Variants in PSTPIP1 observed in about 807,000 individuals in gnomAD.
PSTPIP1 encodes proline-serine-threonine phosphatase-interacting protein 1.
PSTPIP1 carries 66 observed loss-of-function variants against 69.6 expected under a neutral mutation model. The ratio of observed to expected loss-of-function variants is 0.95; its 90% CI spans 0.78 to 1.16. The LOEUF (loss-of-function observed/expected upper bound fraction) is 1.16. Among genes scored for constraint, PSTPIP1 ranks in the 50% most tolerant of loss-of-function variants. The pLI, the probability that PSTPIP1 is intolerant of heterozygous loss-of-function variation, is 0.00. For missense variants in PSTPIP1, 603 were observed against 557.4 expected, an observed-to-expected ratio of 1.08 and a Z score of -0.82; for synonymous variants, 266 against 222.7, an observed-to-expected ratio of 1.19 and a Z score of -1.73.
At chr15:76,998,461 T>A (rs1568479909) in intron 1 of PSTPIP1, among the ~76,000 whole-genome samples, 1 of 152,228 alleles carries the variant, frequency 6.6e-6, no homozygotes, top group African/African-American at 2.4e-5. Flanking sequence ...TCCTAGGAGA[T>A]GTCCCCTAGC....
At chr15:77,007,255 T>C (rs2075832389) in intron 1 of PSTPIP1, among the ~76,000 whole-genome samples, 1 of 152,226 alleles carries the variant, frequency 6.6e-6, no homozygotes, top group African/African-American at 2.4e-5. Context: ...CCTCAGTGGA[T>C]CAAGATAAGA....
rs1420083735 is a variant in PSTPIP1 at position 77,028,589 on chromosome 15, G to A, written c.453G>A (p.Ala151=). 2.5e-6 allele frequency: 4 copies of A among 1,603,120 alleles called. No homozygotes were observed. The highest frequency in any genetic ancestry group is 3.4e-6 in the Non-Finnish European group (4 of 1,175,698). The change falls in exon 7 of 15, where the codon GCG becomes GCA. Residue 151 remains alanine (A), a synonymous_variant. Transcript: ENST00000558012. ...KKTYEQKCRD[A]DDAEQAFERI... ...CATACGAGCAGAAGTGCCGGGACGC[G>A]GACGACGCGGAGCAGGCCTTCGAGC... is the stretch of plus-strand genomic sequence containing the variant.
intron 1 of PSTPIP1, chr15:77,007,778 G>A (rs1190405938): frequency 5.2e-6 from 2 of 382,370 alleles, no homozygotes; most frequent in South Asian, 3.8e-5. Context: ...TGTATTTTTA[G>A]TAGAGACGGG....
At position 77,025,308 on chromosome 15, in the gene PSTPIP1, C is replaced by T; in HGVS notation, c.237C>T (p.Ser79=). 6.2e-7 allele frequency: 1 copy of T among 1,611,034 alleles called. No individual in the cohort carries two copies. The highest frequency in any genetic ancestry group is 1.1e-5 in the South Asian group (1 of 91,026). ...GCTCCCTGAGGGCCTCCTTTGACTC[C>T]TTGAAGCAGCGTAAGTCCCCTACCC... The part of the protein sequence containing the change: ...EINSLRASFD[S]LKQQMENVGS... The change falls in exon 4 of 15, where the codon TCC becomes TCT. Residue 79 remains serine (S), a synonymous_variant. Coordinates refer to ENST00000558012, the MANE Select transcript of PSTPIP1 (RefSeq NM_003978.5).
At chr15:76,998,935 C>G (rs771630326) in intron 1 of PSTPIP1, among the ~76,000 whole-genome samples, 3 of 152,198 alleles carry the variant, frequency 2.0e-5, no homozygotes, top group Non-Finnish European at 2.9e-5. Flanking sequence ...TAAAGAGCAT[C>G]ACACCTTGGC....
chr15:76,995,149 G>GCTGGCTGCCTGCCTGC lies in PSTPIP1; in HGVS notation c.-422_-421insGCTGCCTGCCTGCCTG, dbSNP rs2075545056. ...ACAAACCTTCCTGCGCAGGCCTCGG[G>GCTGGCTGCCTGCCTGC]CTGCCTGCCTGCCTGCCTGCCTGGC... On this transcript the variant is annotated 5_prime_UTR_variant, in exon 1 of 15. Coordinates refer to ENST00000558012, the MANE Select transcript of PSTPIP1 (RefSeq NM_003978.5). 8.6e-7 allele frequency: 1 copy of GCTGGCTGCCTGCCTGC among 1,163,382 alleles called. No individual in the cohort carries two copies. Among genetic ancestry groups the GCTGGCTGCCTGCCTGC allele is most frequent in the African/African-American group, 1.6e-5 (1 of 62,262 alleles). The allele number at this position is 1,163,382 out of a possible 1,614,324, so 72.1% of individuals were successfully genotyped here. A position where few individuals can be genotyped will look rare whatever the true frequency, so the allele number is the denominator to read the frequency against.
intron 3 of PSTPIP1, among the ~76,000 whole-genome samples, chr15:77,024,807 C>T (rs1293512952): frequency 1.3e-5 from 2 of 151,938 alleles, no homozygotes; most frequent in Admixed American, 6.6e-5. Context: ...CTAGCCTCTC[C>T]CACGGCCATC....
At chr15:77,001,097 T>C (rs1341142373) in intron 1 of PSTPIP1, among the ~76,000 whole-genome samples, 2 of 152,206 alleles carry the variant, frequency 1.3e-5, no homozygotes, top group African/African-American at 4.8e-5. Context: ...TTGGTGACCA[T>C]GCTGTGATTT....
At chr15:76,996,122 G>A (rs931497703) in intron 1 of PSTPIP1, among the ~76,000 whole-genome samples, 1 of 152,224 alleles carries the variant, frequency 6.6e-6, no homozygotes, top group Admixed American at 6.5e-5. Flanking sequence ...CCAGCACCTT[G>A]CCTCACTCCA....
chr15:77,018,113 G>T, intron 1 of PSTPIP1, 35 bp from the exon 2 acceptor site: 2 of 1,549,944 alleles, frequency 1.3e-6, no homozygotes, highest in Non-Finnish European at 1.7e-6. Flanking sequence ...TCGCCTGGTC[G>T]TGGCCCTCAT....
chr15:77,033,990 TGAAGCAG>T (rs1480971881), intron 12 of PSTPIP1, among the ~76,000 whole-genome samples: 10 of 152,134 alleles, frequency 6.6e-5, no homozygotes, highest in Non-Finnish European at 1.5e-5. Flanking sequence ...AGAGCTCACC[TGAAGCAG>T]TATCAGGAAG....
At chr15:77,005,008 A>G (rs2075787953) in intron 1 of PSTPIP1, among the ~76,000 whole-genome samples, 1 of 152,212 alleles carries the variant, frequency 6.6e-6, no homozygotes, top group Admixed American at 6.5e-5. Context: ...GGACCTGGAC[A>G]TCAGTATTTT....
intron 1 of PSTPIP1, among the ~76,000 whole-genome samples, chr15:77,000,779 C>A (rs2152664205): frequency 6.6e-6 from 1 of 152,290 alleles, no homozygotes; most frequent in Admixed American, 6.5e-5. Context: ...TGGGCTCAAG[C>A]AATCCTCCTG....
Position 76,995,286 on chromosome 15 carries a change from G to T in PSTPIP1, c.-288G>T. On this transcript the variant is annotated 5_prime_UTR_variant, in exon 1 of 15. Coordinates refer to ENST00000558012, the MANE Select transcript of PSTPIP1 (RefSeq NM_003978.5). Reference sequence around the variant, plus strand: ...CTGTGTCCTCCATCACCGCAGGGTCGGTGAGGGGCTGGGCTGGACACCAGG... The same window carrying T: ...CTGTGTCCTCCATCACCGCAGGGTCTGTGAGGGGCTGGGCTGGACACCAGG... The T allele has an allele frequency of 1.5e-6, 2 of 1,340,680 alleles. No homozygotes were observed. Among genetic ancestry groups the T allele is most frequent in the South Asian group, 1.6e-5 (1 of 62,510 alleles). 83.0% of individuals were successfully genotyped at this position (1,340,680 alleles called of 1,614,324 possible). A position where few individuals can be genotyped will look rare whatever the true frequency, so the allele number is the denominator to read the frequency against.
In PSTPIP1 at chr15:77,029,617, G is replaced by A. The variant is rs1247701628; in HGVS notation, c.562+43G>A. 5 of 1,546,992 alleles carry A rather than the reference G, an allele frequency of 3.2e-6. No individual in the cohort carries two copies. In the South Asian group the frequency reaches 3.6e-5, roughly 11 times the overall value. The stretch of plus-strand genomic sequence containing the variant: ...CCCCGTCCGACCAGGGCGGAGGCCT[G>A]GGCGGTACTCCCCACACACACCTCC... On this transcript the variant is annotated intron_variant, in intron 8 of 14. Transcript: ENST00000558012.
intron 9 of PSTPIP1, 99 bp downstream of exon 9, chr15:77,030,680 G>A (rs2076393167): frequency 1.7e-6 from 2 of 1,189,134 alleles, no homozygotes; most frequent in Non-Finnish European, 2.3e-6. Flanking sequence ...AGGCAGTTGG[G>A]GAAGGTACCT....
intron 8 of PSTPIP1, 116 bp downstream of exon 8, chr15:77,029,690 C>A: frequency 1.7e-6 from 2 of 1,174,912 alleles, no homozygotes; most frequent in Admixed American, 2.5e-5. Flanking sequence ...ATCATGGGCG[C>A]GGCGCTCTCA....
chr15:77,011,308 T>C (rs773118317), intron 1 of PSTPIP1, among the ~76,000 whole-genome samples: 1 of 152,068 alleles, frequency 6.6e-6, no homozygotes, highest in Non-Finnish European at 1.5e-5. Flanking sequence ...CCCCTGGGAG[T>C]CCCTGGAAGC....
chr15:77,029,214 C>T (rs1258314008), intron 7 of PSTPIP1, among the ~76,000 whole-genome samples: 1 of 152,214 alleles, frequency 6.6e-6, no homozygotes, highest in East Asian at 1.9e-4. Flanking sequence ...GAGCTGGGGG[C>T]AGTCAGTCAG....
Sources: allele counts gnomAD v4.1 joint callset (sites outside exome capture counted in the v4.1 genomes callset), GRCh38; gene constraint gnomAD v4.1.1; transcripts MANE v1.5; gene names NCBI Gene and HGNC (gene_info 2026-07-23, HGNC 2026-07-21).